The following SCGB2B2 variants were observed in gnomAD, a reference collection of about 807,000 sequenced individuals.
SCGB2B2 encodes secretoglobin family 2B member 2, also known as secretoglobin-like protein.
A neutral mutation model predicts 7.6 loss-of-function variants in SCGB2B2; 11 were observed. That is an observed-to-expected ratio of 1.45 (90% CI 0.91 to 2.40). The LOEUF (loss-of-function observed/expected upper bound fraction) is 2.40. SCGB2B2 is among the 30% of genes most tolerant of loss of function. The probability of loss-of-function intolerance (pLI) is 0.00; values close to 1 mark genes in which losing one functional copy is unlikely to be tolerated. For synonymous variants in SCGB2B2, 50 were observed against 48.6 expected (o/e 1.03, Z -0.12); for missense variants, 104 against 115.4 (o/e 0.90, Z 0.45).
intron 1 of SCGB2B2, among the ~76,000 whole-genome samples, chr19:34,600,662 G>A (rs796646700): frequency 9.2e-5 from 14 of 152,138 alleles, no homozygotes; most frequent in African/African-American, 3.1e-4. Context: ...GTGTTTATTC[G>A]TCATTTAGTG....
At chr19:34,668,540 G>A (rs2067704969) in intron 1 of SCGB2B2, among the ~76,000 whole-genome samples, 1 of 152,222 alleles carries the variant, frequency 6.6e-6, no homozygotes, top group Non-Finnish European at 1.5e-5. Flanking sequence ...GGTGCACGGC[G>A]CGGGACTGGC....
chr19:34,609,051 T>C (rs573567645), intron 1 of SCGB2B2, among the ~76,000 whole-genome samples: 1 of 152,226 alleles, frequency 6.6e-6, no homozygotes, highest in African/African-American at 2.4e-5. Flanking sequence ...TGGTTTTGAT[T>C]TGCATTTCCC....
intron 1 of SCGB2B2, among the ~76,000 whole-genome samples, chr19:34,604,128 A>G (rs2065710990): frequency 6.6e-6 from 1 of 151,930 alleles, no homozygotes; most frequent in African/African-American, 2.4e-5. Context: ...CTTTTACATG[A>G]TCCTAATCAT....
intron 1 of SCGB2B2, among the ~76,000 whole-genome samples, chr19:34,672,580 G>A (rs2067829974): frequency 6.6e-6 from 1 of 152,178 alleles, no homozygotes; most frequent in South Asian, 2.1e-4. Context: ...TTTATCCCTT[G>A]GTCAAGATAA....
intron 1 of SCGB2B2, among the ~76,000 whole-genome samples, chr19:34,664,620 T>C (rs554917545): frequency 9.9e-5 from 15 of 152,270 alleles, no homozygotes; most frequent in South Asian, 4.1e-4. Context: ...CTGTGCCAGG[T>C]TGTGTTGTGT....
At chr19:34,641,232 G>A (rs1465274844) in intron 1 of SCGB2B2, among the ~76,000 whole-genome samples, 5 of 152,108 alleles carry the variant, frequency 3.3e-5, no homozygotes, top group African/African-American at 9.7e-5. Context: ...GGTAGTCATC[G>A]TAATAGTCCC....
downstream of SCGB2B2, among the ~76,000 whole-genome samples, chr19:34,585,836 C>G (rs1226662933): frequency 1.3e-5 from 2 of 152,192 alleles, no homozygotes; most frequent in Admixed American, 6.5e-5. Flanking sequence ...AAAAGCCAAT[C>G]TCAGGTTCTA....
intron 1 of SCGB2B2, among the ~76,000 whole-genome samples, chr19:34,610,732 G>A (rs1194633962): frequency 7.0e-6 from 1 of 143,232 alleles, no homozygotes; most frequent in Admixed American, 6.9e-5. Flanking sequence ...TGTTGAGGAT[G>A]TTTGTATCTA....
rs1235322284 is a variant in SCGB2B2 at position 34,621,657 on chromosome 19, G to A, written c.-2031-25063C>T. On this transcript the variant is annotated intron_variant, in intron 1 of 3. Transcript: ENST00000601241. ...GGATATCCTCTTTTAATTAAGCTGA[G>A]CATTCTTTAAGAATATCCTTTTTCA... Among the ~76,000 whole-genome samples the A allele has an allele frequency of 6.6e-5, 10 of 152,192 alleles. No individual in the cohort carries two copies. The East Asian group carries it at 1.7e-3, about 26-fold the overall frequency.
At chr19:34,602,424 G>A (rs2065651955) in intron 1 of SCGB2B2, among the ~76,000 whole-genome samples, 1 of 152,306 alleles carries the variant, frequency 6.6e-6, no homozygotes, top group East Asian at 1.9e-4. Context: ...CTCATTAAAT[G>A]AATCAGGGGA....
intron 1 of SCGB2B2, among the ~76,000 whole-genome samples, chr19:34,641,294 T>C (rs934350184): frequency 4.6e-5 from 7 of 152,268 alleles, no homozygotes; most frequent in Admixed American, 2.0e-4. Flanking sequence ...CAGACATCCA[T>C]TGTGCACTGA....
intron 1 of SCGB2B2, among the ~76,000 whole-genome samples, chr19:34,607,402 A>G (rs2065811628): frequency 6.6e-6 from 1 of 152,198 alleles, no homozygotes; most frequent in Admixed American, 6.5e-5. Context: ...GGTGACCATG[A>G]ATAATGCTTC....
intron 1 of SCGB2B2, among the ~76,000 whole-genome samples, chr19:34,611,227 C>T (rs1457859078): frequency 6.6e-6 from 1 of 152,008 alleles, no homozygotes; most frequent in Non-Finnish European, 1.5e-5. Flanking sequence ...CATAGTTAGT[C>T]TGGTTAATGG....
intron 1 of SCGB2B2, among the ~76,000 whole-genome samples, chr19:34,650,795 C>T (rs144903172): frequency 6.6e-6 from 1 of 151,464 alleles, no homozygotes; most frequent in East Asian, 1.9e-4. Context: ...GAGAAGCACA[C>T]ACAACAACAG....
chr19:34,655,351 T>G (rs2067255152), intron 1 of SCGB2B2, among the ~76,000 whole-genome samples: 1 of 151,306 alleles, frequency 6.6e-6, no homozygotes, highest in Non-Finnish European at 1.5e-5. Context: ...AGGCTTAATC[T>G]GCAGGATAAA....
intron 1 of SCGB2B2, among the ~76,000 whole-genome samples, chr19:34,627,951 C>T (rs1039579368): frequency 6.6e-6 from 1 of 152,214 alleles, no homozygotes; most frequent in South Asian, 2.1e-4. Context: ...CAAACTAGAA[C>T]TCAGGATCAA....
At chr19:34,641,501 G>T (rs2066839215) in intron 1 of SCGB2B2, among the ~76,000 whole-genome samples, 1 of 152,156 alleles carries the variant, frequency 6.6e-6, no homozygotes, top group Non-Finnish European at 1.5e-5. Context: ...ACTAAATTTG[G>T]CCTGAGGCTG....
intron 1 of SCGB2B2, among the ~76,000 whole-genome samples, chr19:34,607,221 TTC>T (rs1278939149): frequency 1.3e-5 from 2 of 152,248 alleles, no homozygotes; most frequent in Admixed American, 6.5e-5. Context: ...GGAGCAGGAT[TTC>T]TCTCTTTTTT....
rs1364068588 is a variant in SCGB2B2, at chr19:34,591,115, G to A, written c.*2440C>T. Among the ~76,000 whole-genome samples, 3 of 152,048 alleles carry A rather than the reference G, an allele frequency of 2.0e-5. No individual in the cohort carries two copies. Among genetic ancestry groups the A allele is most frequent in the Non-Finnish European group, 4.4e-5 (3 of 68,020 alleles). Reference sequence around the variant, plus strand: ...TTGTCTCCAGGCCCAACTATTCCATGAGCTCCAAACTAGAGCGTCTCACAC... The same window carrying A: ...TTGTCTCCAGGCCCAACTATTCCATAAGCTCCAAACTAGAGCGTCTCACAC... On this transcript the variant is annotated 3_prime_UTR_variant, in exon 4 of 4. Transcript: ENST00000601241.
Sources: allele counts gnomAD v4.1 joint callset (sites outside exome capture counted in the v4.1 genomes callset), GRCh38; gene constraint gnomAD v4.1.1; transcripts MANE v1.5; gene names NCBI Gene and HGNC (gene_info 2026-07-23, HGNC 2026-07-21).